The following CYTH3 variants were observed in gnomAD, a reference collection of about 807,000 sequenced individuals.
CYTH3 encodes the protein cytohesin-3.
CYTH3 carries 23 observed loss-of-function variants against 55.1 expected under a neutral mutation model. That is an observed-to-expected ratio of 0.42 (90% CI 0.30 to 0.59). The LOEUF is 0.59. Ranked by LOEUF, CYTH3 falls within the 20% of genes least tolerant of loss-of-function variation. CYTH3 has a pLI of 0.20. For synonymous variants in CYTH3, 249 were observed against 194.9 expected (o/e 1.28, Z -2.31); for missense variants, 413 against 524.8 (o/e 0.79, Z 2.08).
rs1783391626 is a variant in CYTH3 at position 6,177,978 on chromosome 7, G to A, written c.250-37C>T. 2.0e-6 allele frequency: 3 copies of A among 1,496,894 alleles called. No homozygotes were observed. In the African/African-American group the frequency reaches 4.1e-5, roughly 21 times the overall value. The allele number at this position is 1,496,894 out of a possible 1,614,324, so 92.7% of individuals were successfully genotyped here. A position where few individuals can be genotyped will look rare whatever the true frequency, so the allele number is the denominator to read the frequency against. On this transcript the variant is annotated intron_variant, in intron 4 of 12. Coordinates refer to ENST00000350796, the MANE Select transcript of CYTH3 (RefSeq NM_004227.4). ...TAAAATGGAAGCACTGGTTAGGAGTGTCACTCAAACTCATTTTTCAAAGAC... is the reference window on the plus strand; with the variant it reads ...TAAAATGGAAGCACTGGTTAGGAGTATCACTCAAACTCATTTTTCAAAGAC...
intron 1 of CYTH3, among the ~76,000 whole-genome samples, chr7:6,194,333 G>A (rs1783868961): frequency 6.6e-6 from 1 of 152,172 alleles, no homozygotes; most frequent in South Asian, 2.1e-4. Context: ...CGCATCCGTA[G>A]TCCCAGGTAC....
chr7:6,204,240 C>A (rs766983683), intron 1 of CYTH3, among the ~76,000 whole-genome samples: 3 of 151,980 alleles, frequency 2.0e-5, no homozygotes, highest in Non-Finnish European at 4.4e-5. Flanking sequence ...AACAGGTGTG[C>A]AATATACATT....
rs1782934318 is a variant in CYTH3, at chr7:6,164,682, C to G, written c.*262G>C. Reference sequence around the variant, plus strand: ...TGGACATGCGCAGCCGACCATGACCCCAGCCACGGCAGGAGGCCTCGAGGA... The same window carrying G: ...TGGACATGCGCAGCCGACCATGACCGCAGCCACGGCAGGAGGCCTCGAGGA... On this transcript the variant is annotated 3_prime_UTR_variant, in exon 13 of 13. Transcript: ENST00000350796. 7.5e-6 allele frequency: 4 copies of G among 534,896 alleles called. No homozygotes were observed. The highest frequency in any genetic ancestry group is 1.9e-5 in the African/African-American group (1 of 52,156). The allele number at this position is 534,896 out of a possible 1,614,324, so 33.1% of individuals were successfully genotyped here.
intron 1 of CYTH3, among the ~76,000 whole-genome samples, chr7:6,259,815 T>TA (rs1562418114): frequency 3.8e-5 from 1 of 26,108 alleles, no homozygotes; most frequent in Non-Finnish European, 5.2e-5. Context: ...ATATATATAA[T>TA]ATATATATAT....
At chr7:6,186,905 T>C (rs1783668528) in intron 4 of CYTH3, 145 bp downstream of exon 4, 1 of 828,500 alleles carries the variant, frequency 1.2e-6, no homozygotes, top group Middle Eastern at 2.3e-4. Context: ...GAAAAGCCCC[T>C]TTTTGATAAA....
chr7:6,182,374 G>C (rs1252998525), intron 4 of CYTH3, among the ~76,000 whole-genome samples: 1 of 152,124 alleles, frequency 6.6e-6, no homozygotes, highest in East Asian at 1.9e-4. Flanking sequence ...TAAGAGACAG[G>C]GTCTCATTCT....
At chr7:6,165,879 C>G (rs1782985848) in intron 9 of CYTH3, 69 bp from the exon 10 acceptor site, 2 of 1,500,546 alleles carry the variant, frequency 1.3e-6, no homozygotes, top group Admixed American at 3.4e-5. Flanking sequence ...AGAGGGGGCC[C>G]TGGACCTGCA....
intron 1 of CYTH3, among the ~76,000 whole-genome samples, chr7:6,236,178 T>C (rs1295077661): frequency 6.6e-6 from 1 of 152,038 alleles, no homozygotes; most frequent in Non-Finnish European, 1.5e-5. Flanking sequence ...TGTTAATATA[T>C]AGGATATATT....
chr7:6,168,147 C>T (rs1173675159), intron 9 of CYTH3, among the ~76,000 whole-genome samples: 1 of 151,856 alleles, frequency 6.6e-6, no homozygotes, highest in African/African-American at 2.4e-5. Flanking sequence ...AGCAGGCAGG[C>T]GCGTACGTGC....
chr7:6,211,504 C>T (rs1031129185), intron 1 of CYTH3, among the ~76,000 whole-genome samples: 5 of 152,214 alleles, frequency 3.3e-5, no homozygotes, highest in African/African-American at 9.7e-5. Flanking sequence ...ACGCATAACA[C>T]AGCTGGGCAC....
At chr7:6,211,257 ACT>A (rs1554250778) in intron 1 of CYTH3, among the ~76,000 whole-genome samples, 2 of 152,114 alleles carry the variant, frequency 1.3e-5, no homozygotes, top group Non-Finnish European at 2.9e-5. Flanking sequence ...TAAAGGACAG[ACT>A]CTCAGCTCCC....
chr7:6,231,775 AT>A (rs775956040), intron 1 of CYTH3, among the ~76,000 whole-genome samples: 1 of 152,164 alleles, frequency 6.6e-6, no homozygotes, highest in Non-Finnish European at 1.5e-5. Context: ...TGGGGATCCC[AT>A]TTATAATTGG....
chr7:6,197,099 C>G (rs888079820), intron 1 of CYTH3, among the ~76,000 whole-genome samples: 2 of 152,184 alleles, frequency 1.3e-5, no homozygotes, highest in Non-Finnish European at 2.9e-5. Context: ...TGATTTAACT[C>G]TAAAGATCCT....
At chr7:6,174,225 C>T (rs1380865602) in intron 5 of CYTH3, among the ~76,000 whole-genome samples, 1 of 152,132 alleles carries the variant, frequency 6.6e-6, no homozygotes, top group African/African-American at 2.4e-5. Flanking sequence ...AGCGACTCTC[C>T]TGCCTCAGCC....
chr7:6,205,248 G>C (rs1784156909), intron 1 of CYTH3, among the ~76,000 whole-genome samples: 1 of 151,928 alleles, frequency 6.6e-6, no homozygotes, highest in Non-Finnish European at 1.5e-5. Context: ...ATAAATCATT[G>C]GTCAAAGATA....
At chr7:6,250,015 G>C (rs572518474) in intron 1 of CYTH3, among the ~76,000 whole-genome samples, 1 of 152,150 alleles carries the variant, frequency 6.6e-6, no homozygotes, top group East Asian at 1.9e-4. Flanking sequence ...CTCCCCACTT[G>C]CCCCCCATCC....
chr7:6,194,578 CT>C (rs1418216495), intron 1 of CYTH3, among the ~76,000 whole-genome samples: 6 of 152,352 alleles, frequency 3.9e-5, no homozygotes, highest in Admixed American at 2.0e-4. Context: ...AGAAGTGCAT[CT>C]GCTATGACCC....
At chr7:6,196,243 T>A (rs746375535) in intron 1 of CYTH3, among the ~76,000 whole-genome samples, 1 of 151,936 alleles carries the variant, frequency 6.6e-6, no homozygotes, top group Non-Finnish European at 1.5e-5. Context: ...GCACCACACT[T>A]AGCGTTGAAG....
chr7:6,204,192 C>A (rs1784132257), intron 1 of CYTH3, among the ~76,000 whole-genome samples: 1 of 152,090 alleles, frequency 6.6e-6, no homozygotes, highest in Admixed American at 6.6e-5. Flanking sequence ...ACGCATCTTA[C>A]AATTGATACA....
Sources: allele counts gnomAD v4.1 joint callset (sites outside exome capture counted in the v4.1 genomes callset), GRCh38; gene constraint gnomAD v4.1.1; transcripts MANE v1.5; gene names NCBI Gene and HGNC (gene_info 2026-07-23, HGNC 2026-07-21).